UVRAG: variants seen among roughly 807,000 people sequenced by gnomAD.
The protein encoded by UVRAG is UV radiation resistance associated, also known as UV radiation resistance-associated gene protein.
Under a neutral mutation model 78.0 loss-of-function variants are expected in UVRAG, and 19 were observed. That is an observed-to-expected ratio of 0.24 (90% confidence interval 0.17 to 0.36). The LOEUF (loss-of-function observed/expected upper bound fraction) is 0.36. Among genes scored for constraint, UVRAG ranks in the 10% least tolerant of loss-of-function variants. The pLI is 1.00. For missense variants in UVRAG, 740 were observed against 853.8 expected, an observed-to-expected ratio of 0.87 and a Z score of 1.66; for synonymous variants, 323 against 324.6, an observed-to-expected ratio of 1.00 and a Z score of 0.05.
chr11:75,929,314 C>A (rs1223812252), intron 6 of UVRAG, among the ~76,000 whole-genome samples: 2 of 152,168 alleles, frequency 1.3e-5, no homozygotes, highest in Non-Finnish European at 2.9e-5. Flanking sequence ...TATTGAGAAT[C>A]TGTTGTTAGT....
chr11:76,093,232 C>T (rs1251962936), intron 13 of UVRAG, among the ~76,000 whole-genome samples: 1 of 151,768 alleles, frequency 6.6e-6, no homozygotes, highest in African/African-American at 2.4e-5. Context: ...TGTTTTGGTA[C>T]CAGTACCATG....
chr11:76,115,785 G>T, intron 13 of UVRAG, 139 bp from the exon 14 acceptor site: 1 of 721,690 alleles, frequency 1.4e-6, no homozygotes, highest in Non-Finnish European at 2.3e-6. Flanking sequence ...TAAGTGGAAA[G>T]TACTGTGAGG....
At chr11:76,057,965 G>T (rs548224376) in intron 12 of UVRAG, among the ~76,000 whole-genome samples, 25 of 151,934 alleles carry the variant, frequency 1.6e-4, no homozygotes, top group African/African-American at 5.3e-4. Context: ...GGCTCGTGTG[G>T]TTTTTTTTGT....
At chr11:75,844,263 T>A (rs1287692539) in intron 1 of UVRAG, among the ~76,000 whole-genome samples, 1 of 152,094 alleles carries the variant, frequency 6.6e-6, no homozygotes, top group Non-Finnish European at 1.5e-5. Flanking sequence ...AGTCTCACTC[T>A]GTCGCCCAGG....
chr11:76,141,301 T>C lies in UVRAG; in HGVS notation c.1988T>C (p.Val663Ala), dbSNP rs78373689. Residue 663 changes from valine (V) to alanine (A), a missense_variant, in exon 15 of 15, where the codon GTA becomes GCA. Coordinates refer to ENST00000356136, the MANE Select transcript of UVRAG (RefSeq NM_003369.4). ...ATCCCAGTGGACAGTGCTGTGGCAGTAGAGTGTGACGAACAAGTTCTGGGA... is the reference window on the plus strand; with the variant it reads ...ATCCCAGTGGACAGTGCTGTGGCAGCAGAGTGTGACGAACAAGTTCTGGGA... ...NCIPVDSAVA[V>A]ECDEQVLGEF... 1 of 1,614,196 alleles carries C rather than the reference T, an allele frequency of 6.2e-7. No individual in the cohort carries two copies. Among genetic ancestry groups the C allele is most frequent in the Non-Finnish European group, 8.5e-7 (1 of 1,180,046 alleles).
chr11:75,988,707 G>A (rs560324843), intron 8 of UVRAG, among the ~76,000 whole-genome samples: 103 of 152,298 alleles, frequency 6.8e-4, no homozygotes, highest in African/African-American at 2.4e-3. Context: ...AGCAATGTAT[G>A]AGAGTTTCAC....
At chr11:76,035,856 G>A (rs565715101) in intron 12 of UVRAG, among the ~76,000 whole-genome samples, 17 of 152,136 alleles carry the variant, frequency 1.1e-4, no homozygotes, top group Non-Finnish European at 2.1e-4. Flanking sequence ...AACAAAAATC[G>A]CCTTGTTTCA....
intron 7 of UVRAG, among the ~76,000 whole-genome samples, chr11:75,965,418 T>C (rs1162677438): frequency 6.6e-6 from 1 of 152,158 alleles, no homozygotes; most frequent in African/African-American, 2.4e-5. Flanking sequence ...TTCACACCAT[T>C]CTCCTGCCTC....
intron 13 of UVRAG, among the ~76,000 whole-genome samples, chr11:76,109,910 CATCATGTA>C (rs1373384252): frequency 6.6e-6 from 1 of 152,230 alleles, no homozygotes; most frequent in Non-Finnish European, 1.5e-5. Context: ...TGACCACTCA[CATCATGTA>C]TCAGTCTTTC....
At chr11:76,021,270 A>G (rs1047801699) in intron 12 of UVRAG, among the ~76,000 whole-genome samples, 1 of 152,224 alleles carries the variant, frequency 6.6e-6, no homozygotes, top group South Asian at 2.1e-4. Context: ...CAAGGTTAGC[A>G]GGGGAACAAT....
chr11:76,009,912 G>A (rs1183505853), intron 11 of UVRAG, among the ~76,000 whole-genome samples: 1 of 152,068 alleles, frequency 6.6e-6, no homozygotes, highest in African/African-American at 2.4e-5. Context: ...AAATAAGTGA[G>A]GTATACCAGT....
chr11:75,889,243 T>C (rs545327704), intron 5 of UVRAG, among the ~76,000 whole-genome samples: 2 of 152,358 alleles, frequency 1.3e-5, no homozygotes, highest in South Asian at 4.1e-4. Flanking sequence ...TCAGATATCT[T>C]TTATAACTTT....
chr11:76,119,042 C>T (rs1952231959), intron 14 of UVRAG, among the ~76,000 whole-genome samples: 1 of 152,140 alleles, frequency 6.6e-6, no homozygotes, highest in Non-Finnish European at 1.5e-5. Flanking sequence ...TTCATTTCTC[C>T]AATTCCTAGT....
At chr11:75,952,944 T>C (rs1476800033) in intron 6 of UVRAG, among the ~76,000 whole-genome samples, 2 of 152,082 alleles carry the variant, frequency 1.3e-5, no homozygotes, top group Non-Finnish European at 2.9e-5. Flanking sequence ...CAGATGGTGG[T>C]TCTTTAGATT....
At chr11:75,930,926 A>ATTTT (rs1214153569) in intron 6 of UVRAG, 19 of 79,646 alleles carry the variant, frequency 2.4e-4, no homozygotes, top group African/African-American at 8.0e-4. Context: ...AAGTGTCGGG[A>ATTTT]TTTTCTTTCT....
chr11:75,872,480 C>G (rs1042825474), intron 3 of UVRAG, among the ~76,000 whole-genome samples: 4 of 151,770 alleles, frequency 2.6e-5, no homozygotes, highest in South Asian at 4.2e-4. Context: ...CCTCTGCCTC[C>G]CAGGTTCAAG....
chr11:75,965,516 C>T (rs929901345), intron 7 of UVRAG, among the ~76,000 whole-genome samples: 5 of 152,062 alleles, frequency 3.3e-5, no homozygotes, highest in South Asian at 2.1e-4. Context: ...GGGGGTTCAC[C>T]GTGTTAGCCT....
chr11:75,904,349 T>C (rs539894324), intron 5 of UVRAG, among the ~76,000 whole-genome samples: 5 of 152,226 alleles, frequency 3.3e-5, no homozygotes, highest in Non-Finnish European at 7.4e-5. Context: ...GTAAATCTCT[T>C]CTGGGCTCTT....
rs571504002 is a variant in UVRAG, at chr11:75,927,991, A to C, written c.593+15952A>C. On this transcript the variant is annotated intron_variant, in intron 6 of 14. Coordinates refer to ENST00000356136, the MANE Select transcript of UVRAG (RefSeq NM_003369.4). ...GTGGCACATGCCTGTAGTCCCAGCTACTTGGGAGGATGAGGCTGGAGGATC... is the reference window on the plus strand; with the variant it reads ...GTGGCACATGCCTGTAGTCCCAGCTCCTTGGGAGGATGAGGCTGGAGGATC... Among the ~76,000 whole-genome samples, 11 of 152,234 alleles carry C rather than the reference A, an allele frequency of 7.2e-5. No homozygotes were observed. The East Asian group carries it at 1.9e-3, about 27-fold the overall frequency.
Sources: gnomAD v4.1 joint callset for allele counts (sites outside exome capture counted in the v4.1 genomes callset) on GRCh38, gnomAD v4.1.1 for gene constraint, MANE v1.5 for transcripts, NCBI Gene and HGNC (gene_info 2026-07-23, HGNC 2026-07-21) for gene names.